Variants in ROCK1 observed in about 807,000 individuals in gnomAD.
ROCK1 encodes the protein rho-associated protein kinase 1.
In ROCK1, 36 loss-of-function variants were observed where a neutral mutation model predicts 196.8. The observed-to-expected ratio is 0.18, with a 90% CI of 0.14 to 0.24. The LOEUF (loss-of-function observed/expected upper bound fraction) is 0.24. Ranked by LOEUF, ROCK1 falls within the 10% of genes least tolerant of loss-of-function variation. The pLI, the probability that ROCK1 is intolerant of heterozygous loss-of-function variation, is 1.00. For missense variants in ROCK1, 920 were observed against 1,562.0 expected, an observed-to-expected ratio of 0.59 and a Z score of 6.93; for synonymous variants, 443 against 515.9, an observed-to-expected ratio of 0.86 and a Z score of 1.91.
At chr18:21,083,224 A>T (rs1349104793) in intron 1 of ROCK1, among the ~76,000 whole-genome samples, 1 of 152,206 alleles carries the variant, frequency 6.6e-6, no homozygotes, top group Non-Finnish European at 1.5e-5. Context: ...ATGGACTGGA[A>T]AAAATATTTT....
At chr18:20,998,905 G>A (rs1365815173) in intron 16 of ROCK1, among the ~76,000 whole-genome samples, 1 of 151,830 alleles carries the variant, frequency 6.6e-6, no homozygotes, top group Non-Finnish European at 1.5e-5. Context: ...CACCGCATCC[G>A]GCCCTTACCA....
At chr18:21,019,626 T>C (rs2035895429) in intron 12 of ROCK1, among the ~76,000 whole-genome samples, 1 of 151,204 alleles carries the variant, frequency 6.6e-6, no homozygotes, top group African/African-American at 2.4e-5. Context: ...ACCCCGTCTC[T>C]ACTAAAAATA....
At chr18:21,062,653 G>A (rs1290021738) in intron 2 of ROCK1, among the ~76,000 whole-genome samples, 4 of 152,064 alleles carry the variant, frequency 2.6e-5, no homozygotes, top group Non-Finnish European at 5.9e-5. Flanking sequence ...CCTCCACAGC[G>A]TTTGGAAAAA....
intron 1 of ROCK1, among the ~76,000 whole-genome samples, chr18:21,076,886 C>G (rs1233395387): frequency 6.6e-6 from 1 of 151,808 alleles, no homozygotes; most frequent in Non-Finnish European, 1.5e-5. Context: ...CAAGTAAAAG[C>G]TATCCCAAAT....
At chr18:21,005,769 C>G (rs886368766) in intron 16 of ROCK1, among the ~76,000 whole-genome samples, 1 of 152,020 alleles carries the variant, frequency 6.6e-6, no homozygotes, top group Admixed American at 6.6e-5. Flanking sequence ...CCCAGCTACT[C>G]AGGAGGTTGA....
intron 1 of ROCK1, among the ~76,000 whole-genome samples, chr18:21,101,994 T>C (rs1217967620): frequency 1.3e-5 from 2 of 152,208 alleles, no homozygotes; most frequent in African/African-American, 4.8e-5. Context: ...TGATGACATT[T>C]TGAAAACTGC....
intron 10 of ROCK1, among the ~76,000 whole-genome samples, chr18:21,027,785 G>T (rs868221087): frequency 1.8e-5 from 2 of 112,950 alleles, no homozygotes; most frequent in Admixed American, 1.1e-4. Context: ...TTTTTGAGAC[G>T]GAGTCTCGCT....
intron 16 of ROCK1, among the ~76,000 whole-genome samples, chr18:20,997,950 C>A (rs1001466308): frequency 2.0e-5 from 3 of 151,878 alleles, no homozygotes; most frequent in African/African-American, 7.3e-5. Flanking sequence ...GATTCTCCTG[C>A]CTCAGCCTCC....
At chr18:21,094,890 C>T (rs1454444069) in intron 1 of ROCK1, among the ~76,000 whole-genome samples, 2 of 151,434 alleles carry the variant, frequency 1.3e-5, no homozygotes, top group East Asian at 3.9e-4. Context: ...CTACTAAAAA[C>T]ACCAAAAAAA....
chr18:20,993,332 A>T (rs1338822439), intron 16 of ROCK1, among the ~76,000 whole-genome samples: 1 of 152,184 alleles, frequency 6.6e-6, no homozygotes, highest in Admixed American at 6.5e-5. Flanking sequence ...CCTCCCGAGT[A>T]GCTGGGACTA....
intron 9 of ROCK1, among the ~76,000 whole-genome samples, chr18:21,031,582 G>C (rs967549510): frequency 7.4e-6 from 1 of 134,348 alleles, no homozygotes; most frequent in African/African-American, 2.9e-5. Flanking sequence ...TCCAGCCTGG[G>C]CAACAGAGCG....
At chr18:21,041,125 A>C (rs2036101879) in intron 8 of ROCK1, among the ~76,000 whole-genome samples, 1 of 150,774 alleles carries the variant, frequency 6.6e-6, no homozygotes, top group African/African-American at 2.4e-5. Context: ...TGTCTCAATC[A>C]ATCAATCAAT....
rs200282391 is a variant in ROCK1 at position 20,975,995 on chromosome 18, T to C, written c.2654+3915A>G. 2.0e-5 allele frequency among the ~76,000 whole-genome samples: 3 copies of C among 152,238 alleles called. No individual in the cohort carries two copies. The East Asian group carries it at 5.8e-4, about 29-fold the overall frequency. Reference sequence around the variant, plus strand: ...GTGATATCCTGCTCTGATCTTCTCTTACACTGTTGGTAGCTTATTGGTTTC... The same window carrying C: ...GTGATATCCTGCTCTGATCTTCTCTCACACTGTTGGTAGCTTATTGGTTTC... On this transcript the variant is annotated intron_variant, in intron 22 of 32. Coordinates refer to ENST00000399799, the MANE Select transcript of ROCK1 (RefSeq NM_005406.3).
rs747454036 is a variant in ROCK1 at position 21,023,715 on chromosome 18, CA to C, written c.1212-36del. 16 of 1,236,106 alleles carry C rather than the reference CA, an allele frequency of 1.3e-5. No homozygotes were observed. In the South Asian group the frequency reaches 2.2e-4, roughly 17 times the overall value. The allele number at this position is 1,236,106 out of a possible 1,614,324, so 76.6% of individuals were successfully genotyped here. A position where few individuals can be genotyped will look rare whatever the true frequency, so the allele number is the denominator to read the frequency against. On this transcript the variant is annotated intron_variant, in intron 10 of 32. Transcript: ENST00000399799. Reference sequence around the variant, plus strand: ...AGAAAAGTTTAAAAAGAAAAGAAAACAAAAAACTCTGTAATATCCCATGACA... The same window carrying C: ...AGAAAAGTTTAAAAAGAAAAGAAAACAAAAACTCTGTAATATCCCATGACA...
In ROCK1 at chr18:20,988,703, A is replaced by G. The variant is rs115942167; in HGVS notation, c.2144-1593T>C. On this transcript the variant is annotated intron_variant, in intron 18 of 32. Transcript: ENST00000399799. ...CTTACCTCAAATATTACTAGCTCAGAAAGCCTTCCTCAGAACCCCCATCCA... is the reference window on the plus strand; with the variant it reads ...CTTACCTCAAATATTACTAGCTCAGGAAGCCTTCCTCAGAACCCCCATCCA... Among the ~76,000 whole-genome samples, 885 of 152,310 alleles carry G rather than the reference A, an allele frequency of 5.8e-3. 11 individuals carry two copies. Among genetic ancestry groups the G allele is most frequent in the African/African-American group, 0.02 (847 of 41,568 alleles).
intron 17 of ROCK1, 85 bp downstream of exon 17, chr18:20,992,746 A>T: frequency 1.3e-6 from 1 of 765,984 alleles, no homozygotes; most frequent in Non-Finnish European, 2.1e-6. Flanking sequence ...ATTAAGAATA[A>T]ATGCTATTTT....
At chr18:20,990,693 C>CAAAA (rs1170099682) in intron 18 of ROCK1, among the ~76,000 whole-genome samples, 12 of 22,594 alleles carry the variant, frequency 5.3e-4, no homozygotes, top group African/African-American at 1.1e-3. Flanking sequence ...AACTTCGTCT[C>CAAAA]AAAAAAAAAA....
At position 20,947,643 on chromosome 18, in the gene ROCK1, T is replaced by G. The variant is rs952497202; in HGVS notation, c.*3741A>C. ...GACCACCCTGGGCAACATAATCTCATCGGATTGTCATTATATGACTATTTA... is the reference window on the plus strand; with the variant it reads ...GACCACCCTGGGCAACATAATCTCAGCGGATTGTCATTATATGACTATTTA... On this transcript the variant is annotated 3_prime_UTR_variant, in exon 33 of 33. Transcript: ENST00000399799. 1 of 152,160 alleles carries G rather than the reference T, an allele frequency of 6.6e-6. No homozygotes were observed. The highest frequency in any genetic ancestry group is 1.5e-5 in the Non-Finnish European group (1 of 68,040). 9.4% of individuals were successfully genotyped at this position (152,160 alleles called of 1,614,324 possible). A position where few individuals can be genotyped will look rare whatever the true frequency, so the allele number is the denominator to read the frequency against.
intron 10 of ROCK1, among the ~76,000 whole-genome samples, chr18:21,026,015 C>A (rs1314348321): frequency 1.3e-5 from 2 of 152,116 alleles, no homozygotes; most frequent in Non-Finnish European, 2.9e-5. Flanking sequence ...TACCATTATA[C>A]AGAGAAACCT....
Sources: gnomAD v4.1 joint callset for allele counts (sites outside exome capture counted in the v4.1 genomes callset) on GRCh38, gnomAD v4.1.1 for gene constraint, MANE v1.5 for transcripts, NCBI Gene and HGNC (gene_info 2026-07-23, HGNC 2026-07-21) for gene names.